Variants in RBFOX1 observed in about 807,000 individuals in gnomAD.
The protein encoded by RBFOX1 is RNA binding protein fox-1 homolog 1.
In RBFOX1, 8 loss-of-function variants were observed where a neutral mutation model predicts 57.7. The observed-to-expected ratio is 0.14, with a 90% CI of 0.08 to 0.25. The LOEUF is 0.25. RBFOX1 is among the 10% of genes least tolerant of loss of function. RBFOX1 has a pLI of 1.00. For synonymous variants in RBFOX1, 326 were observed against 222.4 expected, an observed-to-expected ratio of 1.47 and a Z score of -4.15; for missense variants, 611 against 548.5, an observed-to-expected ratio of 1.11 and a Z score of -1.14.
At chr16:6,207,938 A>G (rs901045234) in intron 1 of RBFOX1, among the ~76,000 whole-genome samples, 1 of 152,096 alleles carries the variant, frequency 6.6e-6, no homozygotes, top group Admixed American at 6.6e-5. Flanking sequence ...TTATCGGTTT[A>G]CTTCAGAATT....
chr16:7,406,048 G>T (rs1191853449), intron 4 of RBFOX1, among the ~76,000 whole-genome samples: 1 of 152,196 alleles, frequency 6.6e-6, no homozygotes, highest in Non-Finnish European at 1.5e-5. Context: ...TACCTGGTTT[G>T]AAATATTGGC....
chr16:7,313,267 C>T (rs1004917762), intron 4 of RBFOX1, among the ~76,000 whole-genome samples: 2 of 152,128 alleles, frequency 1.3e-5, no homozygotes, highest in African/African-American at 4.8e-5. Flanking sequence ...TGTTTGTTTG[C>T]TCTCTTTCTT....
chr16:7,489,628 ACGT>A (rs1363900856), intron 4 of RBFOX1, among the ~76,000 whole-genome samples: 5 of 151,656 alleles, frequency 3.3e-5, no homozygotes, highest in Non-Finnish European at 7.4e-5. Flanking sequence ...AAATCCTCCA[ACGT>A]CAGTCTCCCG....
intron 5 of RBFOX1, among the ~76,000 whole-genome samples, chr16:7,520,916 A>C (rs757642065): frequency 6.6e-6 from 1 of 152,186 alleles, no homozygotes; most frequent in Non-Finnish European, 1.5e-5. Flanking sequence ...TTAAGCTTCT[A>C]TTAGGGCCAG....
chr16:6,303,512 T>G (rs2079074298), intron 1 of RBFOX1, among the ~76,000 whole-genome samples: 2 of 152,176 alleles, frequency 1.3e-5, no homozygotes, highest in African/African-American at 2.4e-5. Flanking sequence ...AGCAGTAGTC[T>G]GAGTAAATAT....
intron 3 of RBFOX1, among the ~76,000 whole-genome samples, chr16:5,689,729 A>T (rs529214079): frequency 6.6e-6 from 1 of 152,302 alleles, no homozygotes; most frequent in East Asian, 1.9e-4. Context: ...ACCTTTTAGG[A>T]ACAAGGAATA....
intron 11 of RBFOX1, among the ~76,000 whole-genome samples, chr16:7,641,392 A>T (rs936617376): frequency 6.6e-6 from 1 of 152,220 alleles, no homozygotes; most frequent in African/African-American, 2.4e-5. Flanking sequence ...ATGTTTTTAT[A>T]TAAAAGAACT....
At chr16:6,168,691 T>A (rs983303411) in intron 1 of RBFOX1, among the ~76,000 whole-genome samples, 2 of 152,122 alleles carry the variant, frequency 1.3e-5, no homozygotes, top group Non-Finnish European at 2.9e-5. Context: ...CTGCCACTCC[T>A]GGGGGAGGGA....
intron 3 of RBFOX1, among the ~76,000 whole-genome samples, chr16:5,772,484 T>C (rs2054013242): frequency 6.6e-6 from 1 of 152,134 alleles, no homozygotes; most frequent in African/African-American, 2.4e-5. Flanking sequence ...TCCCCATCAG[T>C]GTAACTTGAA....
At chr16:5,287,040 C>T (rs749804913) in intron 1 of RBFOX1, among the ~76,000 whole-genome samples, 44 of 152,300 alleles carry the variant, frequency 2.9e-4, no homozygotes, top group Non-Finnish European at 4.9e-4. Context: ...TGTGGTGGCT[C>T]ATGCCTGTAA....
intron 3 of RBFOX1, among the ~76,000 whole-genome samples, chr16:6,961,010 G>A (rs2082863989): frequency 1.3e-5 from 2 of 150,030 alleles, no homozygotes; most frequent in Admixed American, 1.3e-4. Flanking sequence ...TGGGCATGGT[G>A]GCCAGCAACT....
At chr16:7,701,097 G>C (rs1390696855) in intron 14 of RBFOX1, among the ~76,000 whole-genome samples, 3 of 150,870 alleles carry the variant, frequency 2.0e-5, no homozygotes, top group Non-Finnish European at 4.4e-5. Flanking sequence ...TGAAAAATGT[G>C]CTAAGTGATT....
chr16:6,612,463 C>T (rs905504826), intron 2 of RBFOX1, among the ~76,000 whole-genome samples: 7 of 152,168 alleles, frequency 4.6e-5, no homozygotes, highest in Non-Finnish European at 1.5e-5. Context: ...TTAAGTTTCA[C>T]GTGTACTTAC....
At chr16:7,291,650 A>G (rs1159552544) in intron 4 of RBFOX1, among the ~76,000 whole-genome samples, 1 of 151,892 alleles carries the variant, frequency 6.6e-6, no homozygotes, top group Non-Finnish European at 1.5e-5. Flanking sequence ...TGTTTGGGGG[A>G]ATGTTAAAAT....
chr16:5,715,529 C>T (rs1465025914), intron 3 of RBFOX1, among the ~76,000 whole-genome samples: 1 of 152,174 alleles, frequency 6.6e-6, no homozygotes, highest in East Asian at 1.9e-4. Context: ...TGGAAAAGTC[C>T]AGTTGACTGA....
intron 4 of RBFOX1, among the ~76,000 whole-genome samples, chr16:7,321,968 G>T (rs2096551354): frequency 6.6e-6 from 1 of 152,206 alleles, no homozygotes. Context: ...GCTTGGCACA[G>T]CTTGGTTCTG....
intron 1 of RBFOX1, among the ~76,000 whole-genome samples, chr16:6,152,065 G>A (rs2096801412): frequency 1.3e-5 from 2 of 151,980 alleles, no homozygotes; most frequent in African/African-American, 2.4e-5. Flanking sequence ...ATCCTTTATG[G>A]TTTTCCTTTA....
At chr16:5,532,665 A>AT (rs1207447140) in intron 2 of RBFOX1, among the ~76,000 whole-genome samples, 1 of 152,210 alleles carries the variant, frequency 6.6e-6, no homozygotes, top group Non-Finnish European at 1.5e-5. Context: ...AGTTAACCAC[A>AT]TTTTTCAATG....
Position 5,515,819 on chromosome 16 carries a change from C to T in RBFOX1, c.258+48565C>T, listed in dbSNP as rs114788111. Among the ~76,000 whole-genome samples, 13 of 152,154 alleles carry T rather than the reference C, an allele frequency of 8.5e-5. 1 individual carries two copies. Among genetic ancestry groups the T allele is most frequent in the South Asian group, 8.3e-4 (4 of 4,830 alleles). ...CCTTCTAAGAGGGCAGGAAATGATG[C>T]GTAAGGCTCCCTAAGTAGATTCTGA... On this transcript the variant is annotated intron_variant, in intron 2 of 2. Coordinates refer to the RBFOX1 transcript ENST00000585867.
Sources: gnomAD v4.1 joint callset for allele counts (sites outside exome capture counted in the v4.1 genomes callset) on GRCh38, gnomAD v4.1.1 for gene constraint, MANE v1.5 for transcripts, NCBI Gene and HGNC (gene_info 2026-07-23, HGNC 2026-07-21) for gene names.